The following DIAPH1 variants were observed in gnomAD, a reference collection of about 807,000 sequenced individuals.
The protein encoded by DIAPH1 is protein diaphanous homolog 1.
A neutral mutation model predicts 140.7 loss-of-function variants in DIAPH1; 46 were observed. That is an observed-to-expected ratio of 0.33 (90% CI 0.26 to 0.42). The LOEUF (loss-of-function observed/expected upper bound fraction) is 0.42, where lower values mean the gene tolerates loss of function less well. Among genes scored for constraint, DIAPH1 ranks in the 10% least tolerant of loss-of-function variants. The pLI, the probability that DIAPH1 is intolerant of heterozygous loss-of-function variation, is 1.00. For synonymous variants in DIAPH1, 565 were observed against 551.6 expected (o/e 1.02, Z -0.34); for missense variants, 1,310 against 1,558.7 (o/e 0.84, Z 2.69).
rs3805692 is a variant in DIAPH1 at position 141,522,635 on chromosome 5, G to A, written c.3661+1508C>T. On this transcript the variant is annotated intron_variant, in intron 27 of 27. Coordinates refer to ENST00000389054, the MANE Select transcript of DIAPH1 (RefSeq NM_005219.5). The stretch of plus-strand genomic sequence containing the variant: ...AATGTATTTTTGTAAGGCTAGAAAT[G>A]CTTAATGTTAAGGCCACATCACCTT... 2.7e-4 allele frequency among the ~76,000 whole-genome samples: 40 copies of A among 150,598 alleles called. No individual in the cohort carries two copies. The East Asian group carries it at 7.4e-3, about 28-fold the overall frequency.
intron 18 of DIAPH1, chr5:141,563,398 A>G (rs374270628): frequency 9.2e-5 from 14 of 152,312 alleles, no homozygotes; most frequent in African/African-American, 3.4e-4. Context: ...AGATACCAAA[A>G]TATTATTAAG....
chr5:141,535,883 C>T (rs1198861150), intron 18 of DIAPH1, among the ~76,000 whole-genome samples: 1 of 152,176 alleles, frequency 6.6e-6, no homozygotes, highest in African/African-American at 2.4e-5. Flanking sequence ...GGGAGGAATA[C>T]TTTTGAACAC....
chr5:141,571,058 A>ACATCCTGCCTGTCT (rs1319226031), intron 18 of DIAPH1, among the ~76,000 whole-genome samples: 42 of 152,338 alleles, frequency 2.8e-4, no homozygotes, highest in African/African-American at 9.6e-4. Context: ...GAGATGATAC[A>ACATCCTGCCTGTCT]CATCCTGCCT....
chr5:141,580,760 G>A lies in DIAPH1; in HGVS notation c.808C>T (p.Pro270Ser), dbSNP rs775553976. The A allele has an allele frequency of 6.2e-7, 1 of 1,614,116 alleles. No homozygotes were observed. Among genetic ancestry groups the A allele is most frequent in the Non-Finnish European group, 8.5e-7 (1 of 1,180,012 alleles). Residue 270 changes from proline to serine, a missense_variant, in exon 8 of 28, where the codon CCG (proline) becomes TCG (serine). Transcript: ENST00000389054. ...GTCACATACATGTCCTCTGGCTGCG[G>A]TAGAATACAAAGAGCAGAAAGCAGC... is the stretch of plus-strand genomic sequence containing the variant. ...AKLLSALCIL[P>S]QPEDMNERVL...
chr5:141,524,036 A>G, intron 27 of DIAPH1, 107 bp downstream of exon 27: 1 of 979,352 alleles, frequency 1.0e-6, no homozygotes, highest in Non-Finnish European at 1.7e-6. Flanking sequence ...TGCAGGGACT[A>G]AAAAGATGCT....
chr5:141,555,021 C>T (rs556268104), intron 18 of DIAPH1, among the ~76,000 whole-genome samples: 1 of 152,060 alleles, frequency 6.6e-6, no homozygotes, highest in South Asian at 2.1e-4. Context: ...GGTCTCAGAC[C>T]CTGATTACAT....
intron 19 of DIAPH1, 36 bp from the exon 20 acceptor site, chr5:141,529,733 C>T (rs774285870): frequency 1.4e-5 from 22 of 1,574,866 alleles, no homozygotes; most frequent in Admixed American, 1.2e-4. Flanking sequence ...ATGTTCTTCT[C>T]GGTCTGTTCC....
intron 15 of DIAPH1, 146 bp downstream of exon 15, chr5:141,574,821 G>C: frequency 2.4e-6 from 2 of 849,496 alleles, no homozygotes; most frequent in Non-Finnish European, 3.8e-6. Context: ...CCAAAAACCA[G>C]TATATTATTT....
intron 24 of DIAPH1, among the ~76,000 whole-genome samples, 191 bp from the exon 25 acceptor site, chr5:141,526,652 C>T (rs763555906): frequency 6.6e-6 from 1 of 152,124 alleles, no homozygotes; most frequent in African/African-American, 2.4e-5. Flanking sequence ...CTATGGTACA[C>T]CTATAAAAAA....
intron 18 of DIAPH1, among the ~76,000 whole-genome samples, chr5:141,559,588 G>A (rs1036669341): frequency 6.6e-6 from 1 of 152,166 alleles, no homozygotes; most frequent in Non-Finnish European, 1.5e-5. Context: ...TTAAAAATCT[G>A]GGCACTTCAC....
chr5:141,577,805 T>G (rs1421476972), intron 11 of DIAPH1, among the ~76,000 whole-genome samples: 1 of 152,190 alleles, frequency 6.6e-6, no homozygotes, highest in Admixed American at 6.5e-5. Flanking sequence ...CACAGAGGAT[T>G]CCTAGTAAGT....
At chr5:141,617,718 C>T (rs558963731) in intron 1 of DIAPH1, among the ~76,000 whole-genome samples, 14 of 152,130 alleles carry the variant, frequency 9.2e-5, no homozygotes, top group Non-Finnish European at 1.5e-4. Flanking sequence ...GGACAGTGCC[C>T]CGTATCTTAC....
intron 11 of DIAPH1, among the ~76,000 whole-genome samples, chr5:141,577,792 A>T (rs948502572): frequency 6.6e-6 from 1 of 152,218 alleles, no homozygotes; most frequent in Non-Finnish European, 1.5e-5. Context: ...GTGGTACTAT[A>T]CACACAGAGG....
chr5:141,607,872 C>T (rs1054985513), intron 1 of DIAPH1, among the ~76,000 whole-genome samples: 2 of 152,082 alleles, frequency 1.3e-5, no homozygotes, highest in African/African-American at 4.8e-5. Context: ...TAACACTGCC[C>T]GCAATTACAT....
chr5:141,568,912 T>C (rs1001130869), intron 18 of DIAPH1, among the ~76,000 whole-genome samples: 1 of 152,204 alleles, frequency 6.6e-6, no homozygotes, highest in African/African-American at 2.4e-5. Flanking sequence ...GCAGTGCTTC[T>C]ACTAGATAAA....
intron 18 of DIAPH1, among the ~76,000 whole-genome samples, chr5:141,544,461 A>G (rs1041974044): frequency 6.6e-6 from 1 of 152,214 alleles, no homozygotes; most frequent in Admixed American, 6.5e-5. Flanking sequence ...AATATCTGCA[A>G]AACACTTATC....
At chr5:141,536,158 C>T (rs980690247) in intron 18 of DIAPH1, 4 of 370,636 alleles carry the variant, frequency 1.1e-5, no homozygotes, top group Middle Eastern at 6.3e-4. Flanking sequence ...AAAAATTAGC[C>T]GGGCATGGTG....
chr5:141,528,675 T>A, intron 22 of DIAPH1, 27 bp downstream of exon 22: 1 of 1,614,254 alleles, frequency 6.2e-7, no homozygotes, highest in Non-Finnish European at 8.5e-7. Flanking sequence ...CTTCCTTGTG[T>A]TGTCCTGCCC....
intron 18 of DIAPH1, among the ~76,000 whole-genome samples, chr5:141,546,490 T>C (rs181023388): frequency 1.1e-3 from 167 of 151,788 alleles, no homozygotes; most frequent in African/African-American, 4.0e-3. Flanking sequence ...ACCCCGTCTC[T>C]ACTAAAAATA....
Sources: allele counts gnomAD v4.1 joint callset (sites outside exome capture counted in the v4.1 genomes callset), GRCh38; gene constraint gnomAD v4.1.1; transcripts MANE v1.5; gene names NCBI Gene and HGNC (gene_info 2026-07-23, HGNC 2026-07-21).